The following WDR7 variants were observed in gnomAD, a reference collection of about 807,000 sequenced individuals.
WDR7 encodes the protein WD repeat domain 7.
WDR7 carries 46 observed loss-of-function variants against 169.4 expected under a neutral mutation model. That is an observed-to-expected ratio of 0.27 (90% CI 0.21 to 0.35). The LOEUF (loss-of-function observed/expected upper bound fraction) is 0.35. Ranked by LOEUF, WDR7 falls within the 10% of genes least tolerant of loss-of-function variation. The probability of loss-of-function intolerance (pLI) is 1.00; values close to 1 mark genes in which losing one functional copy is unlikely to be tolerated. For synonymous variants in WDR7, 612 were observed against 666.8 expected (o/e 0.92, Z 1.27); for missense variants, 1,534 against 1,859.3 (o/e 0.83, Z 3.22).
intron 26 of WDR7, among the ~76,000 whole-genome samples, chr18:57,018,586 G>T (rs753856003): frequency 2.0e-5 from 3 of 152,188 alleles, no homozygotes; most frequent in Non-Finnish European, 4.4e-5. Flanking sequence ...TTCAGGAGAG[G>T]CTGGAAATCT....
At chr18:56,921,924 C>T (rs1036987137) in intron 21 of WDR7, among the ~76,000 whole-genome samples, 4 of 152,062 alleles carry the variant, frequency 2.6e-5, no homozygotes, top group African/African-American at 7.2e-5. Context: ...GTAATGAATA[C>T]AAAAATGGTA....
chr18:56,810,887 G>C (rs1297098338), intron 19 of WDR7, among the ~76,000 whole-genome samples: 1 of 152,000 alleles, frequency 6.6e-6, no homozygotes, highest in African/African-American at 2.4e-5. Flanking sequence ...TCAACTTCAG[G>C]ACAGTTTCAA....
intron 19 of WDR7, among the ~76,000 whole-genome samples, chr18:56,808,122 G>A (rs1031433081): frequency 1.3e-5 from 2 of 152,172 alleles, no homozygotes; most frequent in African/African-American, 4.8e-5. Flanking sequence ...GGTGTGAAGT[G>A]AATTAATGTG....
intron 21 of WDR7, among the ~76,000 whole-genome samples, chr18:56,887,779 A>G (rs866585551): frequency 2.6e-5 from 4 of 151,952 alleles, no homozygotes; most frequent in Non-Finnish European, 1.5e-5. Context: ...ATTTAAATTT[A>G]TCAGTTTAAA....
intron 3 of WDR7, among the ~76,000 whole-genome samples, chr18:56,680,559 G>A (rs1037671407): frequency 3.3e-5 from 5 of 152,026 alleles, no homozygotes; most frequent in African/African-American, 1.2e-4. Context: ...ATAGAAAATG[G>A]TATCTTAAAG....
At chr18:56,823,297 G>A (rs887878613) in intron 20 of WDR7, among the ~76,000 whole-genome samples, 4 of 152,172 alleles carry the variant, frequency 2.6e-5, no homozygotes, top group African/African-American at 9.7e-5. Flanking sequence ...AGGAGCTATA[G>A]GCCAGTTCGG....
intron 15 of WDR7, 27 bp from the exon 16 acceptor site, chr18:56,758,838 T>A (rs201123354): frequency 1.3e-6 from 2 of 1,546,474 alleles, no homozygotes; most frequent in Non-Finnish European, 8.8e-7. Flanking sequence ...TCAAAATATA[T>A]CTTGTATTTT....
intron 26 of WDR7, among the ~76,000 whole-genome samples, chr18:57,002,153 T>G (rs10469204): frequency 0.21 from 31,250 of 152,104 alleles, 3,827 homozygotes; most frequent in Middle Eastern, 0.35. Context: ...GCTTCAGCAT[T>G]TTGTGATAAT....
rs749537799 is a variant in WDR7, at chr18:56,682,787, T to C, written c.454T>C (p.Leu152=). 2 of 1,613,866 alleles carry C rather than the reference T, an allele frequency of 1.2e-6. No individual in the cohort carries two copies. The highest frequency in any genetic ancestry group is 1.7e-6 in the Non-Finnish European group (2 of 1,179,794). Residue 152 remains leucine (L), a synonymous_variant, in exon 5 of 28, where the codon TTA becomes CTA. Transcript: ENST00000254442. ...DATSLEVLYS[L]VSKISPDWIS... Reference sequence around the variant, plus strand: ...TACCAGCCTTGAAGTATTATACTCCTTAGTATCAAAGATATCACCAGACTG... The same window carrying C: ...TACCAGCCTTGAAGTATTATACTCCCTAGTATCAAAGATATCACCAGACTG...
chr18:56,773,145 G>C (rs2044190003), intron 16 of WDR7, among the ~76,000 whole-genome samples: 1 of 152,084 alleles, frequency 6.6e-6, no homozygotes, highest in African/African-American at 2.4e-5. Context: ...AATAGCTCTA[G>C]CTTATTGGAC....
At chr18:56,660,425 T>A (rs624221) in intron 1 of WDR7, among the ~76,000 whole-genome samples, 15,457 of 152,182 alleles carry the variant, frequency 0.1, 917 homozygotes, top group Non-Finnish European at 0.14. Context: ...GCATTTTGCA[T>A]TTTAGATTTT....
intron 14 of WDR7, among the ~76,000 whole-genome samples, chr18:56,742,687 G>A (rs111251309): frequency 5.7e-4 from 87 of 152,228 alleles, no homozygotes; most frequent in African/African-American, 1.9e-3. Context: ...AAAGTATTGC[G>A]GAAGCCTGTC....
At position 56,694,715 on chromosome 18, in the gene WDR7, A is replaced by G; in HGVS notation, c.1063A>G (p.Ile355Val). The change falls in exon 10 of 28, where the codon ATT becomes GTT. Residue 355 changes from isoleucine (I) to valine (V), a missense_variant. Ile to Val is a conservative substitution (Grantham distance 29). Transcript: ENST00000254442. Reference protein sequence around the residue: ...IQGDSSGRLNIWNISDTADKQ... With the variant: ...IQGDSSGRLNVWNISDTADKQ... ...GGGTGATTCTTCTGGAAGGTTGAAT[A>G]TTTGGAACATATCAGACACAGCTGA... 6.2e-7 allele frequency: 1 copy of G among 1,613,546 alleles called. No homozygotes were observed. Among genetic ancestry groups the G allele is most frequent in the Non-Finnish European group, 8.5e-7 (1 of 1,179,704 alleles).
chr18:56,669,821 C>T (rs2025095653), intron 1 of WDR7, among the ~76,000 whole-genome samples: 1 of 152,078 alleles, frequency 6.6e-6, no homozygotes, highest in Non-Finnish European at 1.5e-5. Flanking sequence ...TTGCTTACTT[C>T]CACTTAATAT....
At position 56,996,269 on chromosome 18, in the gene WDR7, T is replaced by TTTTCTTG. The variant is rs2047898084; in HGVS notation, c.4165-24473_4165-24472insCTTGTTT. On this transcript the variant is annotated intron_variant, in intron 26 of 27. Coordinates refer to ENST00000254442, the MANE Select transcript of WDR7 (RefSeq NM_015285.3). ...ACTGCTTCTTTTTTTCTTTTTTCTT[T>TTTTCTTG]TTTAGGTGAACCTAATTAAAAGGAA... Among the ~76,000 whole-genome samples, 6 of 152,192 alleles carry TTTTCTTG rather than the reference T, an allele frequency of 3.9e-5. No homozygotes were observed. The South Asian group carries it at 1.2e-3, about 32-fold the overall frequency.
At chr18:57,004,888 A>C (rs1035828375) in intron 26 of WDR7, among the ~76,000 whole-genome samples, 1 of 152,156 alleles carries the variant, frequency 6.6e-6, no homozygotes, top group African/African-American at 2.4e-5. Flanking sequence ...AGTGAAGTCT[A>C]AACTTTCCAA....
intron 3 of WDR7, among the ~76,000 whole-genome samples, chr18:56,681,029 C>T (rs2025341255): frequency 6.6e-6 from 1 of 151,932 alleles, no homozygotes; most frequent in African/African-American, 2.4e-5. Flanking sequence ...TGGTTCCGGC[C>T]AGAACTACTT....
chr18:56,959,703 G>A (rs1321975062), intron 25 of WDR7, among the ~76,000 whole-genome samples: 1 of 152,112 alleles, frequency 6.6e-6, no homozygotes, highest in Non-Finnish European at 1.5e-5. Context: ...GGTCATGCAG[G>A]ATCTGGTCAA....
rs2048380260 is a variant in WDR7, at chr18:57,027,276, T to C, written c.*69T>C. The C allele has an allele frequency of 5.9e-6, 9 of 1,521,616 alleles. No homozygotes were observed. The South Asian group carries it at 1.1e-4, about 19-fold the overall frequency. 94.3% of individuals were successfully genotyped at this position (1,521,616 alleles called of 1,614,324 possible). Reference sequence around the variant, plus strand: ...ATCCAAGCCGATGTTGCTCTGTCCTTCCTCACACCAGATTGTTCCCAGGGG... The same window carrying C: ...ATCCAAGCCGATGTTGCTCTGTCCTCCCTCACACCAGATTGTTCCCAGGGG... On this transcript the variant is annotated 3_prime_UTR_variant, in exon 28 of 28. Coordinates refer to ENST00000254442, the MANE Select transcript of WDR7 (RefSeq NM_015285.3).
Sources: allele counts gnomAD v4.1 joint callset (sites outside exome capture counted in the v4.1 genomes callset), GRCh38; gene constraint gnomAD v4.1.1; transcripts MANE v1.5; gene names NCBI Gene and HGNC (gene_info 2026-07-23, HGNC 2026-07-21).